The following HLCS variants were observed in gnomAD, a reference collection of about 807,000 sequenced individuals.
HLCS encodes the protein biotin--protein ligase.
HLCS carries 53 observed loss-of-function variants against 75.0 expected under a neutral mutation model. That is an observed-to-expected ratio of 0.71 (90% CI 0.57 to 0.89). HLCS has a LOEUF of 0.89. Among genes scored for constraint, HLCS ranks in the 40% least tolerant of loss-of-function variants. HLCS has a pLI of 0.00. For synonymous variants in HLCS, 431 were observed against 428.6 expected (o/e 1.01, Z -0.07); for missense variants, 966 against 1,074.0 (o/e 0.90, Z 1.41).
chr21:36,913,821 A>G (rs2065819632), intron 5 of HLCS, among the ~76,000 whole-genome samples: 1 of 152,212 alleles, frequency 6.6e-6, no homozygotes, highest in Non-Finnish European at 1.5e-5. Context: ...GTGCCTACTT[A>G]GACAAGGCTG....
intron 1 of HLCS, 116 bp downstream of exon 1, chr21:36,966,319 AGGCCGCACT>A (rs1377609501): frequency 4.0e-4 from 126 of 318,502 alleles, no homozygotes; most frequent in African/African-American, 2.7e-3. Flanking sequence ...CGGGCCGCAC[AGGCCGCACT>A]GAGGGCGCCA....
intron 6 of HLCS, among the ~76,000 whole-genome samples, chr21:36,888,753 C>T (rs781669522): frequency 1.3e-5 from 2 of 151,798 alleles, no homozygotes; most frequent in Non-Finnish European, 2.9e-5. Flanking sequence ...CCCCTGATCT[C>T]ACAGCTGAAG....
chr21:36,757,295 T>C (rs988880650), intron 9 of HLCS, among the ~76,000 whole-genome samples: 7 of 152,218 alleles, frequency 4.6e-5, no homozygotes, highest in Non-Finnish European at 8.8e-5. Flanking sequence ...TGGAAGTCTT[T>C]GGTGCTAAGG....
chr21:36,901,242 C>CA (rs145753733), intron 5 of HLCS, among the ~76,000 whole-genome samples: 2,825 of 151,498 alleles, frequency 0.019, 98 homozygotes, highest in African/African-American at 0.065. Flanking sequence ...GACTCGGTCT[C>CA]AAAATTTTTT....
chr21:36,892,413 A>G (rs138934427), intron 6 of HLCS, among the ~76,000 whole-genome samples: 2 of 152,282 alleles, frequency 1.3e-5, no homozygotes, highest in Non-Finnish European at 2.9e-5. Context: ...GATGGTCGTG[A>G]TTTCTACTAC....
At chr21:36,785,354 C>T (rs961635752) in intron 6 of HLCS, among the ~76,000 whole-genome samples, 18 of 152,218 alleles carry the variant, frequency 1.2e-4, no homozygotes, top group African/African-American at 3.9e-4. Flanking sequence ...CCCCCGTGAA[C>T]GAAACCTGGT....
At chr21:36,927,081 C>T (rs1027192995) in intron 5 of HLCS, among the ~76,000 whole-genome samples, 1 of 152,146 alleles carries the variant, frequency 6.6e-6, no homozygotes, top group Admixed American at 6.5e-5. Flanking sequence ...GTGTGGTAAA[C>T]GTGTGTTTGT....
chr21:36,854,099 G>T (rs535433008), intron 6 of HLCS, among the ~76,000 whole-genome samples: 1 of 152,204 alleles, frequency 6.6e-6, no homozygotes, highest in South Asian at 2.1e-4. Flanking sequence ...GCATCAAATA[G>T]GTATGGCATT....
chr21:36,912,794 A>G (rs2065776482), intron 5 of HLCS, among the ~76,000 whole-genome samples: 1 of 152,060 alleles, frequency 6.6e-6, no homozygotes, highest in African/African-American at 2.4e-5. Context: ...AGCCCTGCAG[A>G]CCAGGGGGAG....
In HLCS at chr21:36,845,497, C is replaced by T. The variant is rs568769132; in HGVS notation, c.1892+51363G>A. Among the ~76,000 whole-genome samples, 79 of 152,256 alleles carry T rather than the reference C, an allele frequency of 5.2e-4. 2 individuals carry two copies. Among genetic ancestry groups the T allele is most frequent in the African/African-American group, 1.9e-3 (77 of 41,572 alleles). Reference sequence around the variant, plus strand: ...TAAATACAACGGCAAACTGCACTATCCCTCTTCTAAGTAGGTAAAACTGAA... The same window carrying T: ...TAAATACAACGGCAAACTGCACTATTCCTCTTCTAAGTAGGTAAAACTGAA... On this transcript the variant is annotated intron_variant, in intron 6 of 10. Coordinates refer to ENST00000674895, the MANE Select transcript of HLCS (RefSeq NM_001352514.2).
At chr21:36,886,831 A>G (rs2064489042) in intron 6 of HLCS, among the ~76,000 whole-genome samples, 1 of 152,146 alleles carries the variant, frequency 6.6e-6, no homozygotes, top group Non-Finnish European at 1.5e-5. Context: ...TGCGGATACA[A>G]GAAGTCAGCA....
intron 1 of HLCS, among the ~76,000 whole-genome samples, chr21:36,963,677 G>A (rs531052016): frequency 3.9e-5 from 6 of 152,196 alleles, no homozygotes; most frequent in East Asian, 1.9e-4. Context: ...ATTTGAACCC[G>A]GGAGGCAGAA....
chr21:36,900,474 G>A (rs2065191581), intron 5 of HLCS, among the ~76,000 whole-genome samples: 1 of 152,202 alleles, frequency 6.6e-6, no homozygotes, highest in East Asian at 1.9e-4. Flanking sequence ...AGAGGGGGTG[G>A]TGAGAGCCAC....
chr21:36,770,946 G>A lies in HLCS; in HGVS notation c.1893-3661C>T, dbSNP rs149309080. 9.7e-4 allele frequency among the ~76,000 whole-genome samples: 148 copies of A among 152,292 alleles called. 3 individuals are homozygous for A. The South Asian group carries it at 0.018, about 19-fold the overall frequency. On this transcript the variant is annotated intron_variant, in intron 6 of 10. Transcript: ENST00000674895. ...AAAGAAATAAGACAATTGGCCGGGC[G>A]TGGTGGTTCCCGCCTGTAATCCCAG...
At chr21:36,927,940 T>C (rs918684237) in intron 5 of HLCS, among the ~76,000 whole-genome samples, 8 of 152,134 alleles carry the variant, frequency 5.3e-5, no homozygotes, top group Non-Finnish European at 1.2e-4. Flanking sequence ...AGCAGATGAC[T>C]GGGTGCCAAG....
chr21:36,941,470 A>G (rs2146549102), intron 2 of HLCS, among the ~76,000 whole-genome samples: 1 of 152,390 alleles, frequency 6.6e-6, no homozygotes, highest in South Asian at 2.1e-4. Flanking sequence ...CAGTATAGAA[A>G]TAAACAGATT....
chr21:36,958,888 C>A (rs891673035), intron 2 of HLCS, among the ~76,000 whole-genome samples: 8 of 152,198 alleles, frequency 5.3e-5, no homozygotes, highest in Non-Finnish European at 1.5e-5. Flanking sequence ...TTCTTATCTT[C>A]AAAATGGCAA....
chr21:36,826,668 G>A (rs2062018445), intron 6 of HLCS, among the ~76,000 whole-genome samples: 1 of 152,194 alleles, frequency 6.6e-6, no homozygotes, highest in African/African-American at 2.4e-5. Flanking sequence ...TAGAATGGCT[G>A]TATATATGAA....
At chr21:36,777,303 A>C (rs771384889) in intron 6 of HLCS, among the ~76,000 whole-genome samples, 17 of 152,148 alleles carry the variant, frequency 1.1e-4, no homozygotes, top group Non-Finnish European at 2.1e-4. Flanking sequence ...TACTCTCTCT[A>C]TAGTTTTGCC....
Sources: gnomAD v4.1 joint callset for allele counts (sites outside exome capture counted in the v4.1 genomes callset) on GRCh38, gnomAD v4.1.1 for gene constraint, MANE v1.5 for transcripts, NCBI Gene and HGNC (gene_info 2026-07-23, HGNC 2026-07-21) for gene names.